The following ARID1B variants were observed in gnomAD, a reference collection of about 807,000 sequenced individuals.
The protein encoded by ARID1B is AT-rich interactive domain-containing protein 1B.
Under a neutral mutation model 212.3 loss-of-function variants are expected in ARID1B, and 30 were observed. That is an observed-to-expected ratio of 0.14 (90% CI 0.11 to 0.19). ARID1B has a LOEUF of 0.19. ARID1B is among the 10% of genes least tolerant of loss of function. The pLI is 1.00. For missense variants in ARID1B, 2,891 were observed against 3,204.0 expected (o/e 0.90, Z 2.36); for synonymous variants, 1,402 against 1,301.7 (o/e 1.08, Z -1.66).
At chr6:157,012,327 G>A (rs2128457037) in intron 4 of ARID1B, among the ~76,000 whole-genome samples, 2 of 152,370 alleles carry the variant, frequency 1.3e-5, no homozygotes, top group South Asian at 2.1e-4. Context: ...ACATGAGTTA[G>A]TCCATGTTGA....
At chr6:156,995,289 G>A (rs1778521131) in intron 4 of ARID1B, among the ~76,000 whole-genome samples, 1 of 152,190 alleles carries the variant, frequency 6.6e-6, no homozygotes, top group Non-Finnish European at 1.5e-5. Flanking sequence ...TACCTGAAAG[G>A]TACAAAAGGA....
Position 157,207,214 on chromosome 6 carries a change from T to G in ARID1B, c.6442T>G (p.Leu2148Val). 6.2e-7 allele frequency: 1 copy of G among 1,614,154 alleles called. No individual in the cohort carries two copies. The highest frequency in any genetic ancestry group is 8.5e-7 in the Non-Finnish European group (1 of 1,180,022). Reference sequence around the variant, plus strand: ...CCTCGAGGTCTTGAGGGATAACACGTTGGTCACGTTGGCCAACATTTCCGG... The same window carrying G: ...CCTCGAGGTCTTGAGGGATAACACGGTGGTCACGTTGGCCAACATTTCCGG... ...DCLEVLRDNT[L>V]VTLANISGQL... Residue 2148 changes from leucine (L) to valine (V), a missense_variant, in exon 20 of 20, where the codon TTG becomes GTG. By Grantham distance (32) the Leu-to-Val change is conservative. Around this residue, in one of 7 missense-constraint regions of ARID1B, gnomAD observed 187 missense variants for 306.5 expected, o/e 0.61. Transcript: ENST00000636930. This position sits in a 1 kb window ranked among gnomAD's most constrained non-coding sequence, Gnocchi z 8.5.
At chr6:157,072,746 A>G (rs1385450174) in intron 4 of ARID1B, among the ~76,000 whole-genome samples, 4 of 152,220 alleles carry the variant, frequency 2.6e-5, no homozygotes, top group African/African-American at 9.6e-5. Context: ...ACTAACATAT[A>G]TTAAGTGGAT....
chr6:156,959,495 A>G (rs1463408834), intron 4 of ARID1B, among the ~76,000 whole-genome samples: 1 of 152,112 alleles, frequency 6.6e-6, no homozygotes, highest in South Asian at 2.1e-4. Flanking sequence ...GGGAGGACCA[A>G]CCGTACTCAT....
chr6:156,813,754 T>A (rs1389930827), intron 1 of ARID1B, among the ~76,000 whole-genome samples: 1 of 152,240 alleles, frequency 6.6e-6, no homozygotes, highest in Non-Finnish European at 1.5e-5. Context: ...TATATTAGGC[T>A]TTCATAAGAC....
intron 4 of ARID1B, among the ~76,000 whole-genome samples, chr6:157,037,689 G>A (rs1318438430): frequency 6.6e-6 from 1 of 152,194 alleles, no homozygotes; most frequent in African/African-American, 2.4e-5. Context: ...GCCAGGTAGT[G>A]GTCAGATTTG....
At chr6:156,946,640 G>A (rs753144739) in intron 4 of ARID1B, among the ~76,000 whole-genome samples, 2 of 145,736 alleles carry the variant, frequency 1.4e-5, no homozygotes, top group Non-Finnish European at 3.0e-5. Flanking sequence ...TTAGCTCAGC[G>A]ATGCTGTGAA....
chr6:156,922,173 CTT>C (rs11386798), intron 3 of ARID1B, among the ~76,000 whole-genome samples: 47 of 137,994 alleles, frequency 3.4e-4, no homozygotes, highest in Admixed American at 3.6e-4. Flanking sequence ...ATAGGTTGCC[CTT>C]TTTTTTTTTT....
At chr6:157,112,252 T>A (rs1363873715) in intron 6 of ARID1B, among the ~76,000 whole-genome samples, 1 of 152,248 alleles carries the variant, frequency 6.6e-6, no homozygotes, top group African/African-American at 2.4e-5. Context: ...TCCCATATCA[T>A]CTCTCTAAAT....
chr6:157,189,687 G>A lies in ARID1B; in HGVS notation c.3965G>A (p.Gly1322Asp). The change falls in exon 14 of 20, where the codon GGC becomes GAC. Residue 1322 changes from glycine (G) to aspartate (D), a missense_variant. Gly to Asp is a moderately conservative substitution (Grantham distance 94, BLOSUM62 -1). Coordinates refer to ENST00000636930, the MANE Select transcript of ARID1B (RefSeq NM_001374828.1). Reference sequence around the variant, plus strand: ...GGCCCACAGACCCCCCAGTCAACTGGCAGCAATTCCATGGCAGAGGTTCCA... The same window carrying A: ...GGCCCACAGACCCCCCAGTCAACTGACAGCAATTCCATGGCAGAGGTTCCA... ...LQGPQTPQSTGSNSMAEVPGD... is the reference protein window; with the variant it reads ...LQGPQTPQSTDSNSMAEVPGD... 1 of 1,613,864 alleles carries A rather than the reference G, an allele frequency of 6.2e-7. No homozygotes were observed. Among genetic ancestry groups the A allele is most frequent in the South Asian group, 1.1e-5 (1 of 91,026 alleles).
intron 4 of ARID1B, among the ~76,000 whole-genome samples, chr6:157,044,432 G>A (rs371304026): frequency 3.9e-5 from 6 of 152,082 alleles, no homozygotes; most frequent in South Asian, 4.1e-4. Flanking sequence ...TGATGCAGTC[G>A]TTAACTATAG....
At position 157,206,904 on chromosome 6, in the gene ARID1B, C is replaced by T. The variant is rs139174766; in HGVS notation, c.6132C>T (p.Asp2044=). The change falls in exon 20 of 20, where the codon GAC becomes GAT. Residue 2044 remains aspartate (D), a synonymous_variant. Coordinates refer to ENST00000636930, the MANE Select transcript of ARID1B (RefSeq NM_001374828.1). The surrounding 1 kb of genome is among the most constrained non-coding windows in gnomAD (Gnocchi z 6.8). ...ACCGGAACATCAAGCTGCTGGAGGA[C>T]GAGCCCAGGAGCCGAGACGAGACTC... is the stretch of plus-strand genomic sequence containing the variant. ...KSHRNIKLLE[D]EPRSRDETPL... The T allele has an allele frequency of 1.4e-5, 23 of 1,614,002 alleles. No homozygotes were observed. The highest frequency in any genetic ancestry group is 1.6e-4 in the Middle Eastern group (1 of 6,084).
chr6:156,913,394 T>G (rs1790071068), intron 3 of ARID1B, among the ~76,000 whole-genome samples: 2 of 151,930 alleles, frequency 1.3e-5, no homozygotes, highest in Non-Finnish European at 2.9e-5. Context: ...TTTTTTTATA[T>G]TTTTAGTAGA....
rs536677734 is a variant in ARID1B, at chr6:157,046,928, G to A, written c.2248-37734G>A. ...GGGAAAGTGACTTATTTTAGGCACT[G>A]TCTAGTGGTAAAGCTCAGCTAGAAG... On this transcript the variant is annotated intron_variant, in intron 4 of 19. Transcript: ENST00000636930. Among the ~76,000 whole-genome samples, 13 of 152,258 alleles carry A rather than the reference G, an allele frequency of 8.5e-5. No homozygotes were observed. The East Asian group carries it at 1.9e-3, about 23-fold the overall frequency.
In ARID1B at chr6:156,778,493, G is replaced by C. The variant is rs940491642; in HGVS notation, c.813G>C (p.Ala271=). Residue 271 remains alanine (A), a synonymous_variant, in exon 1 of 20, where the codon GCG becomes GCC. Transcript: ENST00000636930. ...GCAAGCCGGGCGACGAGGACGACGCGCCGCCCAAGATGGGGGAGCCGGCGG... is the reference window on the plus strand; with the variant it reads ...GCAAGCCGGGCGACGAGGACGACGCCCCGCCCAAGATGGGGGAGCCGGCGG... The part of the protein sequence containing the change: ...LLSKPGDEDD[A]PPKMGEPAGG... 3 of 1,283,498 alleles carry C rather than the reference G, an allele frequency of 2.3e-6. No homozygotes were observed. Among genetic ancestry groups the C allele is most frequent in the Non-Finnish European group, 2.9e-6 (3 of 1,021,502 alleles). 79.5% of individuals were successfully genotyped at this position (1,283,498 alleles called of 1,614,324 possible).
At chr6:156,807,608 G>A (rs1781267237) in intron 1 of ARID1B, among the ~76,000 whole-genome samples, 1 of 152,064 alleles carries the variant, frequency 6.6e-6, no homozygotes, top group South Asian at 2.1e-4. Context: ...AGTTAAATGT[G>A]TCTTTTAGTT....
chr6:156,946,559 T>G (rs1793167480), intron 4 of ARID1B, among the ~76,000 whole-genome samples: 2 of 152,150 alleles, frequency 1.3e-5, no homozygotes, highest in Non-Finnish European at 2.9e-5. Context: ...TGTAACGCCC[T>G]TTTAACATAT....
chr6:156,876,131 C>T (rs773361039), intron 2 of ARID1B, among the ~76,000 whole-genome samples: 3 of 152,206 alleles, frequency 2.0e-5, no homozygotes, highest in Non-Finnish European at 2.9e-5. Flanking sequence ...CCCGTGGTAC[C>T]TACCAGGCAC....
intron 2 of ARID1B, among the ~76,000 whole-genome samples, chr6:156,888,357 G>C (rs556999399): frequency 6.6e-6 from 1 of 152,308 alleles, no homozygotes; most frequent in East Asian, 1.9e-4. Flanking sequence ...TGGACCAAGT[G>C]GGTGGTTTTT....
Sources: gnomAD v4.1 joint callset for allele counts (sites outside exome capture counted in the v4.1 genomes callset) on GRCh38, gnomAD v4.1.1 for gene constraint, gnomAD v4.1.1 regional missense constraint, Gnocchi (gnomAD v3.1) non-coding constraint, MANE v1.5 for transcripts, NCBI Gene and HGNC (gene_info 2026-07-23, HGNC 2026-07-21) for gene names.